The following TTC28 variants were observed in gnomAD, a reference collection of about 807,000 sequenced individuals.
The protein encoded by TTC28 is tetratricopeptide repeat domain 28.
In TTC28, 61 loss-of-function variants were observed where a neutral mutation model predicts 198.0. The observed-to-expected ratio is 0.31, with a 90% CI of 0.25 to 0.38. The LOEUF (loss-of-function observed/expected upper bound fraction) is 0.38. Among genes scored for constraint, TTC28 ranks in the 10% least tolerant of loss-of-function variants. The pLI is 1.00. For synonymous variants in TTC28, 1,171 were observed against 1,297.8 expected (o/e 0.90, Z 2.10); for missense variants, 2,678 against 3,164.0 (o/e 0.85, Z 3.69).
chr22:28,259,416 T>A (rs1320147823), intron 5 of TTC28, among the ~76,000 whole-genome samples: 6 of 152,152 alleles, frequency 3.9e-5, no homozygotes, highest in African/African-American at 1.4e-4. Flanking sequence ...GTAATTGCAA[T>A]AATGGTGGCA....
chr22:28,070,662 T>TA (rs1353614726), intron 12 of TTC28, among the ~76,000 whole-genome samples: 7 of 152,026 alleles, frequency 4.6e-5, no homozygotes, highest in Non-Finnish European at 1.0e-4. Flanking sequence ...GGTCTGGTGG[T>TA]AAAAAGAGGC....
chr22:28,247,435 A>T (rs1930185473), intron 5 of TTC28, among the ~76,000 whole-genome samples: 1 of 152,204 alleles, frequency 6.6e-6, no homozygotes, highest in African/African-American at 2.4e-5. Context: ...GGCTGCCCCT[A>T]CGCTGCTTGA....
At chr22:28,117,184 A>C (rs1942656104) in intron 6 of TTC28, among the ~76,000 whole-genome samples, 1 of 152,256 alleles carries the variant, frequency 6.6e-6, no homozygotes, top group Non-Finnish European at 1.5e-5. Flanking sequence ...ATCAACTTGC[A>C]GAAGCTATGT....
At chr22:28,480,803 A>G (rs1489260717) in intron 2 of TTC28, among the ~76,000 whole-genome samples, 1 of 152,178 alleles carries the variant, frequency 6.6e-6, no homozygotes, top group East Asian at 1.9e-4. Context: ...TTACTGTGTA[A>G]AGTGTTCACA....
chr22:28,142,401 C>T (rs1388190396), intron 6 of TTC28, among the ~76,000 whole-genome samples: 2 of 152,286 alleles, frequency 1.3e-5, no homozygotes, highest in Non-Finnish European at 2.9e-5. Context: ...TCACACAGAC[C>T]TATTTTGTGT....
intron 2 of TTC28, among the ~76,000 whole-genome samples, chr22:28,615,298 C>A (rs1489732220): frequency 6.6e-6 from 1 of 152,164 alleles, no homozygotes; most frequent in Non-Finnish European, 1.5e-5. Flanking sequence ...AGTCAGGAAA[C>A]AACAGATGCT....
intron 13 of TTC28, among the ~76,000 whole-genome samples, chr22:28,024,718 G>A (rs1011900327): frequency 3.9e-5 from 6 of 152,320 alleles, no homozygotes; most frequent in East Asian, 3.9e-4. Flanking sequence ...ACGAGCAACC[G>A]TTTGAGGCTG....
At chr22:28,210,737 T>A (rs1926866813) in intron 5 of TTC28, among the ~76,000 whole-genome samples, 1 of 152,114 alleles carries the variant, frequency 6.6e-6, no homozygotes. Context: ...CCAGGAGAAC[T>A]TCCCCAACCT....
At chr22:28,243,601 A>G (rs532064203) in intron 5 of TTC28, among the ~76,000 whole-genome samples, 1 of 152,220 alleles carries the variant, frequency 6.6e-6, no homozygotes, top group East Asian at 1.9e-4. Flanking sequence ...ATAAAGTAAG[A>G]TCTGGCCCAG....
At chr22:28,399,364 T>G in intron 2 of TTC28, among the ~76,000 whole-genome samples, 1 of 146,338 alleles carries the variant, frequency 6.8e-6, no homozygotes. Context: ...TCACATAGGC[T>G]GGAGTGCAGT....
chr22:28,565,043 G>T (rs1479852579), intron 2 of TTC28, among the ~76,000 whole-genome samples: 4 of 151,778 alleles, frequency 2.6e-5, no homozygotes. Context: ...TCTCAAAGAG[G>T]AATATGACTG....
chr22:28,643,450 T>C (rs140966904), intron 1 of TTC28, among the ~76,000 whole-genome samples: 3 of 152,318 alleles, frequency 2.0e-5, no homozygotes, highest in East Asian at 1.9e-4. Context: ...ACAATTGCCA[T>C]TGATCCTTCA....
At chr22:28,466,244 G>T (rs572874907) in intron 2 of TTC28, among the ~76,000 whole-genome samples, 2 of 152,126 alleles carry the variant, frequency 1.3e-5, no homozygotes, top group African/African-American at 2.4e-5. Context: ...CCAATACTTC[G>T]CATGAAGAGC....
intron 2 of TTC28, among the ~76,000 whole-genome samples, chr22:28,582,440 C>A (rs1032609499): frequency 1.3e-5 from 2 of 152,128 alleles, no homozygotes; most frequent in African/African-American, 4.8e-5. Flanking sequence ...TAAAAACAGT[C>A]TAACAGCTGC....
rs188203015 is a variant in TTC28 at position 28,478,435 on chromosome 22, G to C, written c.381+151117C>G. Among the ~76,000 whole-genome samples the C allele has an allele frequency of 5.3e-5, 8 of 152,252 alleles. No homozygotes were observed. The East Asian group carries it at 1.5e-3, about 29-fold the overall frequency. Reference sequence around the variant, plus strand: ...GAGGAAGGAGAATCACTTGAACCTGGGAAGTGGAGGTTGCAGTGAGCCGAG... The same window carrying C: ...GAGGAAGGAGAATCACTTGAACCTGCGAAGTGGAGGTTGCAGTGAGCCGAG... On this transcript the variant is annotated intron_variant, in intron 2 of 22. Transcript: ENST00000397906.
At chr22:28,607,206 A>G (rs2050749879) in intron 2 of TTC28, among the ~76,000 whole-genome samples, 1 of 152,206 alleles carries the variant, frequency 6.6e-6, no homozygotes, top group Admixed American at 6.5e-5. Flanking sequence ...AAAAATGCTC[A>G]AGCTTAACTA....
chr22:28,415,346 AAT>A (rs2047152570), intron 2 of TTC28, among the ~76,000 whole-genome samples: 1 of 152,194 alleles, frequency 6.6e-6, no homozygotes, highest in African/African-American at 2.4e-5. Flanking sequence ...TACAACTTTT[AAT>A]AGACAAAAAA....
chr22:28,022,512 ACACT>A (rs1458929074), intron 13 of TTC28, among the ~76,000 whole-genome samples: 1 of 152,164 alleles, frequency 6.6e-6, no homozygotes, highest in Non-Finnish European at 1.5e-5. Context: ...TCACCTGCTC[ACACT>A]CACTCAGGTG....
chr22:28,001,493 C>A lies in TTC28; in HGVS notation c.4279G>T (p.Gly1427Trp), dbSNP rs548381923. ...GCGAAAGGAATGAGGTAGAGCTCCC[C>A]CTCCAGAACCAGGATGAGCTGCCGG... is the stretch of plus-strand genomic sequence containing the variant. ...RHRQLILVLE[G>W]ELYLIPFALL... The change falls in exon 15 of 23, where the codon GGG (glycine) becomes TGG (tryptophan). Residue 1427 changes from glycine to tryptophan, a missense_variant. By Grantham distance (184) the Gly-to-Trp change is radical (BLOSUM62 -2). Transcript: ENST00000397906. 3 of 1,551,520 alleles carry A rather than the reference C, an allele frequency of 1.9e-6. No individual in the cohort carries two copies. The highest frequency in any genetic ancestry group is 1.7e-4 in the Middle Eastern group (1 of 5,986).
Sources: gnomAD v4.1 joint callset for allele counts (sites outside exome capture counted in the v4.1 genomes callset) on GRCh38, gnomAD v4.1.1 for gene constraint, MANE v1.5 for transcripts, NCBI Gene and HGNC (gene_info 2026-07-23, HGNC 2026-07-21) for gene names.